Variants in PLCG2 observed in about 807,000 individuals in gnomAD.
PLCG2 encodes 1-phosphatidylinositol 4,5-bisphosphate phosphodiesterase gamma-2.
PLCG2 carries 69 observed loss-of-function variants against 175.6 expected under a neutral mutation model. The observed-to-expected ratio is 0.39, with a 90% confidence interval of 0.32 to 0.48. The LOEUF is 0.48. Ranked by LOEUF, PLCG2 falls within the 20% of genes least tolerant of loss-of-function variation. The probability of loss-of-function intolerance (pLI) is 0.91; values close to 1 mark genes in which losing one functional copy is unlikely to be tolerated. For synonymous variants in PLCG2, 827 were observed against 624.0 expected, an observed-to-expected ratio of 1.33 and a Z score of -4.85; for missense variants, 1,798 against 1,650.9, an observed-to-expected ratio of 1.09 and a Z score of -1.54.
rs975413265 is a variant in PLCG2, at chr16:81,959,186, G to T, written c.*1188G>T. The T allele has an allele frequency of 1.8e-5, 4 of 226,084 alleles. No individual in the cohort carries two copies. Among genetic ancestry groups the T allele is most frequent in the African/African-American group, 4.5e-5 (2 of 44,938 alleles). 14.0% of individuals were successfully genotyped at this position (226,084 alleles called of 1,614,324 possible). A position where few individuals can be genotyped will look rare whatever the true frequency, so the allele number is the denominator to read the frequency against. ...GAATTTACAGCTGATGGGAAAAGGA[G>T]TGTAACTGTGAAAAACGATGGCTGT... is the stretch of plus-strand genomic sequence containing the variant. On this transcript the variant is annotated 3_prime_UTR_variant, in exon 33 of 33. Transcript: ENST00000564138.
At chr16:81,856,134 T>C (rs567058268) in intron 3 of PLCG2, among the ~76,000 whole-genome samples, 1 of 152,316 alleles carries the variant, frequency 6.6e-6, no homozygotes, top group Admixed American at 6.5e-5. Flanking sequence ...TCACATTCCA[T>C]CTTCTCACTT....
At chr16:81,897,801 T>A (rs1316285255) in intron 13 of PLCG2, 4 of 455,360 alleles carry the variant, frequency 8.8e-6, no homozygotes, top group Non-Finnish European at 1.3e-5. Flanking sequence ...CGCCTCAACC[T>A]CCCAAAGTGT....
At chr16:81,950,886 C>G (rs749149568) in intron 31 of PLCG2, among the ~76,000 whole-genome samples, 10 of 151,908 alleles carry the variant, frequency 6.6e-5, no homozygotes, top group Admixed American at 2.6e-4. Context: ...TTTTAAAACA[C>G]CAATAAAATA....
At chr16:81,854,177 GTGTC>G (rs1284983145) in intron 2 of PLCG2, among the ~76,000 whole-genome samples, 1 of 152,148 alleles carries the variant, frequency 6.6e-6, no homozygotes, top group Non-Finnish European at 1.5e-5. Flanking sequence ...AGTTTAAAAT[GTGTC>G]TGTCTGAGAA....
At chr16:81,885,055 T>G (rs1357131139) in intron 9 of PLCG2, among the ~76,000 whole-genome samples, 10 of 21,738 alleles carry the variant, frequency 4.6e-4, no homozygotes, top group Non-Finnish European at 7.7e-4. Flanking sequence ...GCCTGACAAT[T>G]TTTTTTTTTT....
At chr16:81,905,859 C>G (rs4375654) in intron 15 of PLCG2, among the ~76,000 whole-genome samples, 113,135 of 151,926 alleles carry the variant, frequency 0.74, 42,875 homozygotes, top group East Asian at 0.97. Flanking sequence ...GGGATTTAGT[C>G]GTGTTGCCCA....
intron 1 of PLCG2, among the ~76,000 whole-genome samples, chr16:81,785,211 A>G (rs1910914755): frequency 6.6e-6 from 1 of 152,184 alleles, no homozygotes; most frequent in African/African-American, 2.4e-5. Context: ...ACCCACAAGC[A>G]TAAACAGCAA....
chr16:81,900,994 A>T (rs779057940), intron 14 of PLCG2, among the ~76,000 whole-genome samples: 5 of 152,242 alleles, frequency 3.3e-5, no homozygotes, highest in Non-Finnish European at 7.3e-5. Flanking sequence ...GGGGGAGATA[A>T]TACTGGAACT....
At chr16:81,793,377 T>A (rs536726443) in intron 2 of PLCG2, among the ~76,000 whole-genome samples, 1 of 152,278 alleles carries the variant, frequency 6.6e-6, no homozygotes, top group African/African-American at 2.4e-5. Flanking sequence ...GAGCCTTAGG[T>A]GTCCTCTTGC....
At chr16:81,810,228 GGCAT>G (rs1413505925) in intron 2 of PLCG2, among the ~76,000 whole-genome samples, 1 of 152,072 alleles carries the variant, frequency 6.6e-6, no homozygotes, top group Non-Finnish European at 1.5e-5. Flanking sequence ...TGATTCTCGT[GGCAT>G]GCCTCAGCCT....
At chr16:81,826,152 C>T (rs143448182) in intron 2 of PLCG2, among the ~76,000 whole-genome samples, 44 of 152,292 alleles carry the variant, frequency 2.9e-4, no homozygotes, top group African/African-American at 1.1e-3. Flanking sequence ...TACCACCATC[C>T]AGCCAGGTCC....
At chr16:81,869,133 G>T (rs748783195) in intron 5 of PLCG2, 81 bp from the exon 6 acceptor site, 4 of 984,636 alleles carry the variant, frequency 4.1e-6, no homozygotes, top group African/African-American at 1.6e-5. Context: ...GGCTGCCTGA[G>T]GTGGGAACTG....
intron 2 of PLCG2, among the ~76,000 whole-genome samples, chr16:81,815,856 T>G (rs922364286): frequency 6.6e-6 from 1 of 151,552 alleles, no homozygotes; most frequent in Non-Finnish European, 1.5e-5. Flanking sequence ...AGGTCAGGAG[T>G]TCGAGACCAG....
chr16:81,944,458 A>G (rs1456121899), intron 30 of PLCG2, among the ~76,000 whole-genome samples: 2 of 152,154 alleles, frequency 1.3e-5, no homozygotes, highest in African/African-American at 4.8e-5. Context: ...TGCAAATACT[A>G]CGCCACTGAA....
rs536224694 is a variant in PLCG2, at chr16:81,871,727, G to T, written c.648+792G>T. On this transcript the variant is annotated intron_variant, in intron 7 of 32. Transcript: ENST00000564138. ...TAAAAATTAAGAGGGTGTATGTTTTGATCTGACAGTGGCATCCTGGGGACT... is the reference window on the plus strand; with the variant it reads ...TAAAAATTAAGAGGGTGTATGTTTTTATCTGACAGTGGCATCCTGGGGACT... Among the ~76,000 whole-genome samples, 11 of 152,260 alleles carry T rather than the reference G, an allele frequency of 7.2e-5. No individual in the cohort carries two copies. The South Asian group carries it at 2.3e-3, about 32-fold the overall frequency.
At chr16:81,914,339 C>T (rs776236460) in intron 19 of PLCG2, among the ~76,000 whole-genome samples, 4 of 152,206 alleles carry the variant, frequency 2.6e-5, no homozygotes, top group Non-Finnish European at 4.4e-5. Flanking sequence ...TCTCAGGTGG[C>T]TGTACCTTGG....
At chr16:81,932,088 G>A (rs921537963) in intron 25 of PLCG2, among the ~76,000 whole-genome samples, 32 of 152,162 alleles carry the variant, frequency 2.1e-4, no homozygotes, top group African/African-American at 6.8e-4. Flanking sequence ...GCAAATCAGC[G>A]AGACCCGGTT....
chr16:81,744,323 C>G (rs952625721), intron 1 of PLCG2, among the ~76,000 whole-genome samples: 1 of 151,996 alleles, frequency 6.6e-6, no homozygotes, highest in Non-Finnish European at 1.5e-5. Context: ...CGCCACCAAG[C>G]CTGGCTAATT....
At chr16:81,897,792 G>T in intron 13 of PLCG2, 1 of 454,380 alleles carries the variant, frequency 2.2e-6, no homozygotes, top group Non-Finnish European at 4.4e-6. Context: ...TGATCCTCCC[G>T]CCTCAACCTC....
Sources: gnomAD v4.1 joint callset for allele counts (sites outside exome capture counted in the v4.1 genomes callset) on GRCh38, gnomAD v4.1.1 for gene constraint, MANE v1.5 for transcripts, NCBI Gene and HGNC (gene_info 2026-07-23, HGNC 2026-07-21) for gene names.